The following TMEM117 variants were observed in gnomAD, a reference collection of about 807,000 sequenced individuals.
The protein encoded by TMEM117 is transmembrane protein 117.
A neutral mutation model predicts 52.4 loss-of-function variants in TMEM117; 27 were observed. That is an observed-to-expected ratio of 0.51 (90% CI 0.38 to 0.71). The LOEUF is 0.71. Ranked by LOEUF, TMEM117 falls within the 30% of genes least tolerant of loss-of-function variation. The probability of loss-of-function intolerance (pLI) is 0.00; values close to 1 mark genes in which losing one functional copy is unlikely to be tolerated. For synonymous variants in TMEM117, 215 were observed against 206.3 expected, an observed-to-expected ratio of 1.04 and a Z score of -0.36; for missense variants, 556 against 630.5, an observed-to-expected ratio of 0.88 and a Z score of 1.26.
At chr12:44,223,266 T>C (rs1949814952) in intron 5 of TMEM117, among the ~76,000 whole-genome samples, 1 of 152,078 alleles carries the variant, frequency 6.6e-6, no homozygotes, top group African/African-American at 2.4e-5. Flanking sequence ...AAGATTTTTT[T>C]TTTTTAACCT....
At chr12:44,010,235 T>G in intron 3 of TMEM117, 1 of 472,272 alleles carries the variant, frequency 2.1e-6, no homozygotes, top group South Asian at 1.5e-5. Flanking sequence ...TTTGGTACAA[T>G]ATCAATGAGT....
intron 3 of TMEM117, among the ~76,000 whole-genome samples, chr12:44,096,677 C>T (rs2138060986): frequency 6.6e-6 from 1 of 152,086 alleles, no homozygotes; most frequent in Admixed American, 6.5e-5. Context: ...AAAGCTGAAA[C>T]TGGATCCCTT....
intron 3 of TMEM117, among the ~76,000 whole-genome samples, chr12:44,102,804 T>C (rs1002930416): frequency 6.6e-6 from 1 of 151,994 alleles, no homozygotes; most frequent in Non-Finnish European, 1.5e-5. Context: ...TCCCCACTTG[T>C]TGTGGGAGGG....
chr12:44,203,638 G>C (rs1949526823), intron 4 of TMEM117, among the ~76,000 whole-genome samples: 1 of 152,074 alleles, frequency 6.6e-6, no homozygotes, highest in African/African-American at 2.4e-5. Flanking sequence ...TAGAGATTCT[G>C]GTATGCTCTT....
chr12:43,894,836 A>G (rs1220345119), intron 2 of TMEM117, among the ~76,000 whole-genome samples: 1 of 102,434 alleles, frequency 9.8e-6, no homozygotes, highest in Admixed American at 1.2e-4. Context: ...TGTTGACATC[A>G]CAGATTTTCA....
At chr12:44,300,476 C>G (rs74084482) in intron 6 of TMEM117, among the ~76,000 whole-genome samples, 1 of 152,228 alleles carries the variant, frequency 6.6e-6, no homozygotes, top group African/African-American at 2.4e-5. Context: ...TTGTAAGTCA[C>G]CAGACCAAAG....
chr12:44,257,788 A>T (rs903048859), intron 5 of TMEM117, among the ~76,000 whole-genome samples: 1 of 152,156 alleles, frequency 6.6e-6, no homozygotes, highest in Non-Finnish European at 1.5e-5. Context: ...AATATATCAT[A>T]TGCAATAAGG....
At chr12:43,818,574 G>T in the TMEM117 span, among the ~76,000 whole-genome samples, 954 of 152,198 alleles carry the variant, frequency 6.3e-3, 3 homozygotes, top group Middle Eastern at 0.017. Context: ...CCGAGTAGCT[G>T]GGACTACAGG....
the TMEM117 span, among the ~76,000 whole-genome samples, chr12:44,395,171 TAA>T: frequency 6.6e-6 from 1 of 152,212 alleles, no homozygotes; most frequent in Non-Finnish European, 1.5e-5. Context: ...GAAATTACTA[TAA>T]AATTATCTTT....
intron 5 of TMEM117, among the ~76,000 whole-genome samples, chr12:44,221,414 T>C (rs948178464): frequency 2.0e-5 from 3 of 152,192 alleles, no homozygotes; most frequent in Non-Finnish European, 4.4e-5. Context: ...GTGTGTGCCC[T>C]AGCATAAGCT....
intron 3 of TMEM117, among the ~76,000 whole-genome samples, chr12:44,038,507 A>G (rs1946746655): frequency 6.6e-6 from 1 of 152,144 alleles, no homozygotes; most frequent in Non-Finnish European, 1.5e-5. Context: ...AATTGCTCAC[A>G]CACCCCTCAC....
chr12:43,869,712 A>G (rs1005168078), intron 2 of TMEM117, among the ~76,000 whole-genome samples: 1 of 152,232 alleles, frequency 6.6e-6, no homozygotes, highest in Non-Finnish European at 1.5e-5. Flanking sequence ...TTTCAGGCTC[A>G]TGCTATTTCC....
At chr12:44,260,329 T>C (rs78096430) in intron 5 of TMEM117, among the ~76,000 whole-genome samples, 2,656 of 152,268 alleles carry the variant, frequency 0.017, 61 homozygotes, top group East Asian at 0.057. Flanking sequence ...AAGTGGAGTC[T>C]AAACCTTTCC....
At chr12:43,809,781 A>C in the TMEM117 span, among the ~76,000 whole-genome samples, 1 of 152,226 alleles carries the variant, frequency 6.6e-6, no homozygotes, top group Admixed American at 6.5e-5. Context: ...GAGGATCAAG[A>C]ATTAAGCAAC....
intron 3 of TMEM117, among the ~76,000 whole-genome samples, chr12:43,945,304 C>T (rs544702927): frequency 1.3e-5 from 2 of 151,872 alleles, no homozygotes; most frequent in Non-Finnish European, 2.9e-5. Flanking sequence ...GTATAATTTC[C>T]TCTTGGTTTG....
chr12:44,233,757 A>G (rs1288513895), intron 5 of TMEM117, among the ~76,000 whole-genome samples: 2 of 151,386 alleles, frequency 1.3e-5, no homozygotes, highest in Admixed American at 1.3e-4. Context: ...ATTTTATCAC[A>G]TTAGTGTCTT....
chr12:44,128,757 C>T (rs1376403268), intron 3 of TMEM117, among the ~76,000 whole-genome samples: 1 of 152,182 alleles, frequency 6.6e-6, no homozygotes, highest in Non-Finnish European at 1.5e-5. Context: ...CAGATTTAAG[C>T]TGATTGTGTA....
At chr12:44,227,206 T>C (rs17094336) in intron 5 of TMEM117, among the ~76,000 whole-genome samples, 16,125 of 152,140 alleles carry the variant, frequency 0.11, 942 homozygotes, top group Middle Eastern at 0.2. Flanking sequence ...TTTGCAGTCA[T>C]GAAAGAAAAG....
At chr12:44,084,115 T>C (rs542900981) in intron 3 of TMEM117, among the ~76,000 whole-genome samples, 39 of 152,160 alleles carry the variant, frequency 2.6e-4, no homozygotes, top group Admixed American at 4.6e-4. Flanking sequence ...CTAAATCATA[T>C]ATATAGATAG....
Sources: gnomAD v4.1 joint callset for allele counts (sites outside exome capture counted in the v4.1 genomes callset) on GRCh38, gnomAD v4.1.1 for gene constraint, MANE v1.5 for transcripts, NCBI Gene and HGNC (gene_info 2026-07-23, HGNC 2026-07-21) for gene names.